Variants in KLHDC4 observed in about 807,000 individuals in gnomAD.
The protein encoded by KLHDC4 is kelch domain-containing protein 4.
KLHDC4 carries 90 observed loss-of-function variants against 62.4 expected under a neutral mutation model. The ratio of observed to expected loss-of-function variants is 1.44; its 90% CI spans 1.22 to 1.72. The LOEUF (loss-of-function observed/expected upper bound fraction) is 1.72, where lower values mean the gene tolerates loss of function less well. Among genes scored for constraint, KLHDC4 ranks in the 40% most tolerant of loss-of-function variants. The pLI is 0.00. For missense variants in KLHDC4, 1,025 were observed against 699.7 expected (o/e 1.47, Z -5.25); for synonymous variants, 386 against 284.4 (o/e 1.36, Z -3.59).
chr16:87,762,878 G>A (rs965062803), intron 1 of KLHDC4, among the ~76,000 whole-genome samples: 1 of 151,984 alleles, frequency 6.6e-6, no homozygotes, highest in African/African-American at 2.4e-5. Context: ...ACACACACCT[G>A]CAGACCATCT....
At position 87,723,924 on chromosome 16, in the gene KLHDC4, C is replaced by A. The variant is rs138758429; in HGVS notation, c.759+2841G>T. On this transcript the variant is annotated intron_variant, in intron 7 of 11. Coordinates refer to ENST00000270583, the MANE Select transcript of KLHDC4 (RefSeq NM_017566.4). ...CAATCTTGGCTCACTGCAACCTCCG[C>A]CTCCCGGGTTCAAGTGATTCTCCTA... Among the ~76,000 whole-genome samples the A allele has an allele frequency of 5.1e-4, 77 of 152,316 alleles. 2 individuals are homozygous for A. Among genetic ancestry groups the A allele is most frequent in the African/African-American group, 1.8e-3 (76 of 41,554 alleles).
At chr16:87,727,029 G>C in intron 6 of KLHDC4, 105 bp from the exon 7 acceptor site, 1 of 1,261,756 alleles carries the variant, frequency 7.9e-7, no homozygotes, top group Non-Finnish European at 1.1e-6. Context: ...ACTGTTTGGG[G>C]AAAAACTCAA....
At chr16:87,733,160 T>G (rs2040691283) in intron 5 of KLHDC4, among the ~76,000 whole-genome samples, 1 of 151,950 alleles carries the variant, frequency 6.6e-6, no homozygotes, top group Non-Finnish European at 1.5e-5. Flanking sequence ...TATCCCAGCT[T>G]CTACAGGTGA....
At chr16:87,723,458 G>A (rs920777713) in intron 7 of KLHDC4, among the ~76,000 whole-genome samples, 6 of 152,254 alleles carry the variant, frequency 3.9e-5, no homozygotes, top group Non-Finnish European at 5.9e-5. Flanking sequence ...GCTGTTCACC[G>A]TCCTGCTGCA....
chr16:87,752,125 G>A (rs910905240), intron 4 of KLHDC4, among the ~76,000 whole-genome samples: 6 of 122,080 alleles, frequency 4.9e-5, no homozygotes, highest in African/African-American at 1.3e-4. Flanking sequence ...GAAGCCAAAT[G>A]GCCAGGCACA....
At position 87,716,699 on chromosome 16, in the gene KLHDC4, G is replaced by A. The variant is rs114418537; in HGVS notation, c.760-2126C>T. Among the ~76,000 whole-genome samples the A allele has an allele frequency of 7.1e-3, 1,085 of 152,152 alleles. 20 individuals carry two copies. The highest frequency in any genetic ancestry group is 0.025 in the African/African-American group (1,040 of 41,532). ...TAATCCCAGCACTTCAGGAGGCCGAGGGGGGTAGACCATGAGGTCAGGAGA... is the reference window on the plus strand; with the variant it reads ...TAATCCCAGCACTTCAGGAGGCCGAAGGGGGTAGACCATGAGGTCAGGAGA... On this transcript the variant is annotated intron_variant, in intron 7 of 11. Coordinates refer to ENST00000270583, the MANE Select transcript of KLHDC4 (RefSeq NM_017566.4).
At position 87,715,243 on chromosome 16, in the gene KLHDC4, T is replaced by A. The variant is rs547180232; in HGVS notation, c.760-670A>T. 6.6e-5 allele frequency among the ~76,000 whole-genome samples: 9 copies of A among 136,052 alleles called. No homozygotes were observed. The East Asian group carries it at 2.1e-3, about 32-fold the overall frequency. 89.3% of individuals were successfully genotyped at this position (136,052 alleles called of 152,430 possible). On this transcript the variant is annotated intron_variant, in intron 7 of 11. Coordinates refer to ENST00000270583, the MANE Select transcript of KLHDC4 (RefSeq NM_017566.4). ...ATCCATTTCCATCTCATCTTTGTAT[T>A]TGTTTGCACTTTAATTCTCTATTTT...
In KLHDC4 at chr16:87,717,870, C is replaced by A. The variant is rs115243484; in HGVS notation, c.760-3297G>T. On this transcript the variant is annotated intron_variant, in intron 7 of 11. Transcript: ENST00000270583. ...TATATGAACCGTCTTGTTTTGCTGA[C>A]AGCAACATTGTCTTCTTAGAATTAA... Among the ~76,000 whole-genome samples the A allele has an allele frequency of 8.0e-4, 122 of 152,342 alleles. 1 individual carries two copies. Among genetic ancestry groups the A allele is most frequent in the African/African-American group, 2.7e-3 (111 of 41,574 alleles).
chr16:87,720,518 C>T (rs1489923154), intron 7 of KLHDC4, among the ~76,000 whole-genome samples: 2 of 152,370 alleles, frequency 1.3e-5, no homozygotes, highest in South Asian at 2.1e-4. Context: ...CACACAACCA[C>T]AGGTGATGAG....
intron 7 of KLHDC4, among the ~76,000 whole-genome samples, chr16:87,725,923 T>C (rs773638934): frequency 2.6e-5 from 4 of 151,950 alleles, no homozygotes; most frequent in African/African-American, 9.7e-5. Context: ...TACTACACAG[T>C]AGTGAGCGTC....
rs538309471 is a variant in KLHDC4, at chr16:87,734,829, G to A, written c.507-4185C>T. ...CCCCTCCGGGCTTGGCACCGCAGGG[G>A]ACAGCACCATCCAGCGGACACACTA... On this transcript the variant is annotated intron_variant, in intron 5 of 11. Coordinates refer to ENST00000270583, the MANE Select transcript of KLHDC4 (RefSeq NM_017566.4). Among the ~76,000 whole-genome samples, 13 of 152,184 alleles carry A rather than the reference G, an allele frequency of 8.5e-5. No individual in the cohort carries two copies. The South Asian group carries it at 2.7e-3, about 32-fold the overall frequency.
intron 8 of KLHDC4, among the ~76,000 whole-genome samples, chr16:87,713,591 G>A (rs1360513033): frequency 1.3e-5 from 2 of 151,880 alleles, no homozygotes; most frequent in Admixed American, 6.6e-5. Context: ...ACACAGGCAC[G>A]GCTTCTTCCG....
intron 4 of KLHDC4, among the ~76,000 whole-genome samples, chr16:87,749,282 G>C (rs572860494): frequency 6.6e-6 from 1 of 152,016 alleles, no homozygotes; most frequent in South Asian, 2.1e-4. Context: ...TGTGCCAGGC[G>C]CGGTGGCTCA....
At chr16:87,708,508 G>A in intron 10 of KLHDC4, 42 bp from the exon 11 acceptor site, 1 of 1,495,072 alleles carries the variant, frequency 6.7e-7, no homozygotes, top group Non-Finnish European at 9.1e-7. Context: ...CAGCGCAGCT[G>A]AGGCAGGTGG....
intron 4 of KLHDC4, among the ~76,000 whole-genome samples, chr16:87,754,404 G>A (rs2044522602): frequency 6.6e-6 from 1 of 152,216 alleles, no homozygotes; most frequent in Non-Finnish European, 1.5e-5. Flanking sequence ...CAGCCCAAAT[G>A]CCTGCAAGCC....
chr16:87,751,217 T>G (rs753471028), intron 4 of KLHDC4, among the ~76,000 whole-genome samples: 2 of 152,248 alleles, frequency 1.3e-5, no homozygotes, highest in African/African-American at 2.4e-5. Flanking sequence ...GGCTCACGCC[T>G]CTAATTCCAG....
chr16:87,743,373 G>A (rs1465903878), intron 5 of KLHDC4, among the ~76,000 whole-genome samples: 4 of 152,080 alleles, frequency 2.6e-5, no homozygotes, highest in African/African-American at 9.7e-5. Context: ...GGGATTACAG[G>A]CATGAGCCAC....
chr16:87,755,815 T>C (rs1470844620), intron 3 of KLHDC4: 1 of 162,938 alleles, frequency 6.1e-6, no homozygotes, highest in African/African-American at 2.4e-5. Flanking sequence ...TCTGCCCACC[T>C]CGGCCTCCCA....
In KLHDC4 at chr16:87,711,232, T is replaced by G; in HGVS notation, c.1044+3A>C. ...GGCGCATGCTACTCAGAGGTTGCAC[T>G]ACCTTCAGCTGTCCCTCAAACCAAC... On this transcript the variant is annotated splice_donor_region_variant and intron_variant, in intron 9 of 11. Transcript: ENST00000270583. 6.2e-7 allele frequency: 1 copy of G among 1,613,978 alleles called. No homozygotes were observed. Among genetic ancestry groups the G allele is most frequent in the Non-Finnish European group, 8.5e-7 (1 of 1,179,982 alleles).
Sources: allele counts gnomAD v4.1 joint callset (sites outside exome capture counted in the v4.1 genomes callset), GRCh38; gene constraint gnomAD v4.1.1; transcripts MANE v1.5; gene names NCBI Gene and HGNC (gene_info 2026-07-23, HGNC 2026-07-21).